RC3H1: variants seen among roughly 807,000 people sequenced by gnomAD.
RC3H1 encodes ring finger and CCCH-type domains 1.
In RC3H1, 50 loss-of-function variants were observed where a neutral mutation model predicts 138.2. That is an observed-to-expected ratio of 0.36 (90% confidence interval 0.29 to 0.46). The LOEUF (loss-of-function observed/expected upper bound fraction) is 0.46. Ranked by LOEUF, RC3H1 falls within the 20% of genes least tolerant of loss-of-function variation. The pLI is 1.00. For missense variants in RC3H1, 1,031 were observed against 1,388.1 expected, an observed-to-expected ratio of 0.74 and a Z score of 4.09; for synonymous variants, 462 against 489.1, an observed-to-expected ratio of 0.94 and a Z score of 0.73.
In RC3H1 at chr1:173,964,914, G is replaced by C. The variant is rs199866592; in HGVS notation, c.1541C>G (p.Pro514Arg). 3.7e-6 allele frequency: 6 copies of C among 1,614,094 alleles called. No homozygotes were observed. The highest frequency in any genetic ancestry group is 5.1e-6 in the Non-Finnish European group (6 of 1,179,994). ...TGGTTTCAGACTAGAATCATAGCTG[G>C]GGTCTGTCCCTCGCGGAATAAGCTG... ...VTQLIPRGTD[P>R]SYDSSLKPGK... is the part of the protein sequence containing the mutation. Residue 514 changes from proline to arginine, a missense_variant, in exon 10 of 20, where the codon CCC becomes CGC. Around this residue, in one of 7 missense-constraint regions of RC3H1, gnomAD observed 716 missense variants for 837.9 expected, o/e 0.85. Coordinates refer to ENST00000367696, the MANE Select transcript of RC3H1 (RefSeq NM_172071.4).
chr1:173,942,218 G>A (rs1435541312), intron 18 of RC3H1, among the ~76,000 whole-genome samples: 37 of 150,510 alleles, frequency 2.5e-4, no homozygotes, highest in Non-Finnish European at 4.6e-4. Context: ...CACCAGCCTG[G>A]GCAATAGTGC....
intron 1 of RC3H1, among the ~76,000 whole-genome samples, chr1:174,001,518 C>G (rs922261430): frequency 1.3e-5 from 2 of 152,118 alleles, no homozygotes; most frequent in African/African-American, 4.8e-5. Context: ...ACGATTTTGG[C>G]TCACTGCAAC....
rs908596564 is a variant in RC3H1, at chr1:173,952,695, T to C, written c.2371-557A>G. 2.0e-5 allele frequency among the ~76,000 whole-genome samples: 3 copies of C among 152,314 alleles called. No individual in the cohort carries two copies. In the East Asian group the frequency reaches 5.8e-4, roughly 29 times the overall value. ...AATTCTGTTCCTTAGGTTGATTCAA[T>C]GAGATGAAAAGGATGTCTAATTTTT... On this transcript the variant is annotated intron_variant, in intron 13 of 19. Coordinates refer to ENST00000367696, the MANE Select transcript of RC3H1 (RefSeq NM_172071.4).
chr1:173,989,088 C>T (rs1286602642), intron 2 of RC3H1, among the ~76,000 whole-genome samples: 3 of 152,232 alleles, frequency 2.0e-5, no homozygotes, highest in African/African-American at 7.2e-5. Flanking sequence ...CAGCGTAGTG[C>T]TGCGATCGAG....
chr1:173,972,430 G>T, intron 8 of RC3H1, 79 bp downstream of exon 8: 1 of 910,400 alleles, frequency 1.1e-6, no homozygotes, highest in Non-Finnish European at 1.8e-6. Flanking sequence ...GTATCTGTAG[G>T]TATACCCACA....
chr1:173,942,126 T>C (rs1191081869), intron 18 of RC3H1, among the ~76,000 whole-genome samples: 1 of 150,090 alleles, frequency 6.7e-6, no homozygotes, highest in Non-Finnish European at 1.5e-5. Flanking sequence ...CCTGTAATCC[T>C]GGCTACTTGG....
chr1:173,984,601 T>C lies in RC3H1; in HGVS notation c.250A>G (p.Ile84Val), dbSNP rs754354331. 5 of 1,613,618 alleles carry C rather than the reference T, an allele frequency of 3.1e-6. No individual in the cohort carries two copies. The highest frequency in any genetic ancestry group is 2.2e-5 in the East Asian group (1 of 44,860). ...VGAQVPEQQPITLCSGVEDTK... is the reference protein window; with the variant it reads ...VGAQVPEQQPVTLCSGVEDTK... ...TCTTCAACCCCACTACACAAAGTAA[T>C]AGGCTGCTGCTCAGGGACCTGGAGG... is the stretch of plus-strand genomic sequence containing the variant. Residue 84 changes from isoleucine to valine, a missense_variant, in exon 3 of 20, where the codon ATT (isoleucine) becomes GTT (valine). Ile to Val is a conservative substitution (Grantham distance 29). Around this residue, in one of 7 missense-constraint regions of RC3H1, gnomAD observed 80 missense variants for 81.1 expected, o/e 0.99. Transcript: ENST00000367696.
At chr1:173,989,795 C>T (rs1276419838) in intron 2 of RC3H1, among the ~76,000 whole-genome samples, 19 of 141,464 alleles carry the variant, frequency 1.3e-4, no homozygotes, top group East Asian at 6.5e-4. Context: ...GGCGCAATCT[C>T]GGCTCACTGC....
In RC3H1 at chr1:173,964,192, G is replaced by A. The variant is rs772587023; in HGVS notation, c.1617-5C>T. ...CTCTTAGGAACAGATTCTAGCCTAA[G>A]GGAATAATATTATGGAAGTTGTTTA... On this transcript the variant is annotated splice_region_variant and splice_polypyrimidine_tract_variant and intron_variant, in intron 10 of 19. Coordinates refer to ENST00000367696, the MANE Select transcript of RC3H1 (RefSeq NM_172071.4). 5.0e-6 allele frequency: 8 copies of A among 1,598,286 alleles called. No homozygotes were observed. Among genetic ancestry groups the A allele is most frequent in the South Asian group, 1.1e-5 (1 of 90,758 alleles).
chr1:173,967,585 T>C (rs1177113134), intron 9 of RC3H1, among the ~76,000 whole-genome samples: 2 of 152,218 alleles, frequency 1.3e-5, no homozygotes. Context: ...ACTAGTGAGA[T>C]TGAACATAGT....
At chr1:173,999,423 AAAC>A (rs1377771476) in intron 1 of RC3H1, among the ~76,000 whole-genome samples, 4 of 152,182 alleles carry the variant, frequency 2.6e-5, no homozygotes, top group African/African-American at 9.7e-5. Context: ...TATGAATTAT[AAAC>A]AACAAGGCTA....
chr1:173,966,357 G>C (rs1404940655), intron 9 of RC3H1, among the ~76,000 whole-genome samples: 2 of 152,082 alleles, frequency 1.3e-5, no homozygotes, highest in Non-Finnish European at 2.9e-5. Context: ...TCAGACTCCA[G>C]GATCTTTGTT....
rs1165317766 is a variant in RC3H1 at position 174,017,783 on chromosome 1, C to CCAAAAAAAAAAAAAAAAAA, written c.-151+4312_-151+4313insTTTTTTTTTTTTTTTTTTG. Among the ~76,000 whole-genome samples the CCAAAAAAAAAAAAAAAAAA allele has an allele frequency of 5.6e-4, 40 of 72,034 alleles. 3 individuals carry two copies. Among genetic ancestry groups the CCAAAAAAAAAAAAAAAAAA allele is most frequent in the African/African-American group, 2.1e-3 (36 of 17,530 alleles). 47.3% of individuals were successfully genotyped at this position (72,034 alleles called of 152,430 possible). ...ACCCCTTTAGAACTCTTTTCTTGCT[C>CCAAAAAAAAAAAAAAAAAA]AAAAAAAAAAAAAAAAAAAAAAAAA... On this transcript the variant is annotated intron_variant, in intron 1 of 19. Coordinates refer to ENST00000367696, the MANE Select transcript of RC3H1 (RefSeq NM_172071.4).
chr1:173,942,925 C>A (rs138080570), intron 18 of RC3H1, among the ~76,000 whole-genome samples: 1 of 152,204 alleles, frequency 6.6e-6, no homozygotes, highest in East Asian at 1.9e-4. Context: ...AAATGAATGT[C>A]TGTGCACTAT....
intron 14 of RC3H1, 40 bp downstream of exon 14, chr1:173,951,946 T>C: frequency 1.3e-6 from 2 of 1,558,306 alleles, no homozygotes; most frequent in South Asian, 1.2e-5. Flanking sequence ...ATTTGGTTTA[T>C]CTTAATTTGT....
chr1:173,961,017 A>T, intron 13 of RC3H1, 60 bp downstream of exon 13: 1 of 1,522,878 alleles, frequency 6.6e-7, no homozygotes, highest in East Asian at 2.3e-5. Context: ...GGCAAAGATG[A>T]CTTAAACCGG....
At chr1:173,998,844 C>T (rs1661509828) in intron 1 of RC3H1, among the ~76,000 whole-genome samples, 1 of 152,060 alleles carries the variant, frequency 6.6e-6, no homozygotes, top group African/African-American at 2.4e-5. Context: ...GCAATCTCAG[C>T]ACTTTTGGGT....
chr1:174,008,997 A>AG (rs1475018579), intron 1 of RC3H1, among the ~76,000 whole-genome samples: 1 of 147,208 alleles, frequency 6.8e-6, no homozygotes, highest in Non-Finnish European at 1.5e-5. Flanking sequence ...AAAAAAAAAA[A>AG]AGAGATGTTT....
At chr1:173,953,671 G>A (rs1659512702) in intron 13 of RC3H1, among the ~76,000 whole-genome samples, 1 of 152,106 alleles carries the variant, frequency 6.6e-6, no homozygotes, top group African/African-American at 2.4e-5. Context: ...CCAGGAGAAT[G>A]GATTAGGTAA....
Sources: gnomAD v4.1 joint callset for allele counts (sites outside exome capture counted in the v4.1 genomes callset) on GRCh38, gnomAD v4.1.1 for gene constraint, gnomAD v4.1.1 regional missense constraint, MANE v1.5 for transcripts, NCBI Gene and HGNC (gene_info 2026-07-23, HGNC 2026-07-21) for gene names.